HPS4: variants seen among roughly 807,000 people sequenced by gnomAD.
HPS4 encodes the protein HPS4 biogenesis of lysosomal organelles complex 3 subunit 2.
Under a neutral mutation model 70.3 loss-of-function variants are expected in HPS4, and 44 were observed. The observed-to-expected ratio is 0.63, with a 90% CI of 0.49 to 0.80. The LOEUF (loss-of-function observed/expected upper bound fraction) is 0.80, where lower values mean the gene tolerates loss of function less well. HPS4 is among the 30% of genes least tolerant of loss of function. The probability of loss-of-function intolerance (pLI) is 0.00; values close to 1 mark genes in which losing one functional copy is unlikely to be tolerated. For missense variants in HPS4, 873 were observed against 884.4 expected, an observed-to-expected ratio of 0.99 and a Z score of 0.16; for synonymous variants, 377 against 355.9, an observed-to-expected ratio of 1.06 and a Z score of -0.67.
chr22:26,466,065 T>C, intron 9 of HPS4, 161 bp downstream of exon 9: 1 of 1,557,054 alleles, frequency 6.4e-7, no homozygotes, highest in Non-Finnish European at 8.7e-7. Context: ...AGGGTTCTGG[T>C]GGGTAACTCG....
At chr22:26,466,705 T>C in intron 8 of HPS4, 1 of 235,512 alleles carries the variant, frequency 4.2e-6, no homozygotes, top group Non-Finnish European at 8.7e-6. Flanking sequence ...CGATAAAGGA[T>C]TTGACTTAAA....
chr22:26,459,214 T>A lies in HPS4; in HGVS notation c.1714-637A>T, dbSNP rs376933320. On this transcript the variant is annotated intron_variant, in intron 11 of 13. Transcript: ENST00000398145. ...ACGGTCCTGGCTTTCTTGGAAGGAC[T>A]GAGTGTCAGTCAAACAGCTTTCTGC... Among the ~76,000 whole-genome samples the A allele has an allele frequency of 3.7e-4, 56 of 152,366 alleles. 1 individual carries two copies. In the South Asian group the frequency reaches 0.011, roughly 31 times the overall value.
At chr22:26,470,099 G>A (rs1435357520) in intron 7 of HPS4, among the ~76,000 whole-genome samples, 5 of 152,258 alleles carry the variant, frequency 3.3e-5, no homozygotes, top group South Asian at 4.1e-4. Flanking sequence ...CGGGCACAGC[G>A]CAATGGCCCT....
intron 11 of HPS4, among the ~76,000 whole-genome samples, chr22:26,463,551 C>A (rs1262875357): frequency 6.6e-6 from 1 of 152,192 alleles, no homozygotes; most frequent in Non-Finnish European, 1.5e-5. Context: ...AGCCAAGGCT[C>A]AAGGGGACAA....
chr22:26,483,407 A>G (rs2091503357), intron 1 of HPS4, among the ~76,000 whole-genome samples: 1 of 152,152 alleles, frequency 6.6e-6, no homozygotes, highest in South Asian at 2.1e-4. Context: ...GGGGCTGGTG[A>G]TACTGCTGTG....
At position 26,463,951 on chromosome 22, in the gene HPS4, G is replaced by A. The variant is rs143902143; in HGVS notation, c.1679C>T (p.Pro560Leu). The change falls in exon 11 of 14, where the codon CCG becomes CTG. Residue 560 changes from proline (P) to leucine (L), a missense_variant. Physicochemically the swap from Pro to Leu is moderately conservative, Grantham distance 98. Coordinates refer to ENST00000398145, the MANE Select transcript of HPS4 (RefSeq NM_022081.6). ...TATGGCTGCGCTGTCTCCCAGCAGC[G>A]GCTCCTCAGCCAGCAGGGACAGCAC... Reference protein sequence around the residue: ...GLVLSLLAEEPLLGDSAAIEE... With the variant: ...GLVLSLLAEELLLGDSAAIEE... 398 of 1,613,938 alleles carry A rather than the reference G, an allele frequency of 2.5e-4. 3 individuals carry two copies. The highest frequency in any genetic ancestry group is 2.4e-3 in the South Asian group (223 of 91,080).
chr22:26,457,203 C>T (rs369216629), intron 13 of HPS4, among the ~76,000 whole-genome samples: 100 of 133,778 alleles, frequency 7.5e-4, no homozygotes, highest in African/African-American at 2.5e-3. Flanking sequence ...ATGATCAGCA[C>T]GTATTACTTT....
At position 26,461,691 on chromosome 22, in the gene HPS4, T is replaced by C. The variant is rs2087310092; in HGVS notation, c.1713+2226A>G. ...GCAGAGGGGCTGCAGGGAAATCAGATAAAGTATTTTCAAGGCTAGTCTGGG... is the reference window on the plus strand; with the variant it reads ...GCAGAGGGGCTGCAGGGAAATCAGACAAAGTATTTTCAAGGCTAGTCTGGG... On this transcript the variant is annotated intron_variant, in intron 11 of 13. Transcript: ENST00000398145. Among the ~76,000 whole-genome samples the C allele has an allele frequency of 2.6e-5, 4 of 152,236 alleles. No homozygotes were observed. In the South Asian group the frequency reaches 8.3e-4, roughly 32 times the overall value.
intron 2 of HPS4, chr22:26,479,739 C>A: frequency 1.0e-6 from 1 of 1,004,188 alleles, no homozygotes; most frequent in Non-Finnish European, 1.2e-6. Flanking sequence ...ATTAGATGCA[C>A]TCCTCATAAG....
intron 10 of HPS4, among the ~76,000 whole-genome samples, 158 bp downstream of exon 10, chr22:26,465,297 T>C (rs1036453170): frequency 1.3e-5 from 2 of 152,230 alleles, no homozygotes; most frequent in Non-Finnish European, 2.9e-5. Flanking sequence ...ACTCTGTTTC[T>C]TAACAAACTC....
chr22:26,472,744 A>C (rs1170930278), intron 5 of HPS4, 88 bp downstream of exon 5: 1 of 1,012,156 alleles, frequency 9.9e-7, no homozygotes, highest in African/African-American at 1.6e-5. Context: ...TATGAAGTAT[A>C]CAAGACCCCA....
intron 13 of HPS4, 52 bp from the exon 14 acceptor site, chr22:26,453,456 A>C: frequency 7.6e-6 from 12 of 1,587,850 alleles, no homozygotes; most frequent in African/African-American, 1.3e-5. Flanking sequence ...TGCTAATCTC[A>C]GACCACACAG....
intron 7 of HPS4, among the ~76,000 whole-genome samples, chr22:26,468,857 C>T (rs867898672): frequency 6.6e-6 from 1 of 152,040 alleles, no homozygotes; most frequent in South Asian, 2.1e-4. Context: ...ATATTCATTA[C>T]AGGGAGAATG....
chr22:26,469,378 G>A (rs1048476920), intron 7 of HPS4, among the ~76,000 whole-genome samples: 6 of 151,984 alleles, frequency 3.9e-5, no homozygotes, highest in African/African-American at 1.5e-4. Context: ...AGTCCAAGAG[G>A]TCGAGGCTGT....
intron 9 of HPS4, chr22:26,465,900 C>A (rs2088494490): frequency 1.6e-6 from 1 of 637,952 alleles, no homozygotes; most frequent in South Asian, 1.8e-5. Flanking sequence ...GACGCCTCCA[C>A]ATCCTGCAAA....
At chr22:26,455,541 A>C (rs978994194) in intron 13 of HPS4, among the ~76,000 whole-genome samples, 4 of 136,512 alleles carry the variant, frequency 2.9e-5, no homozygotes, top group African/African-American at 1.1e-4. Context: ...ATGAGAATAC[A>C]TGGACACAGG....
downstream of HPS4, among the ~76,000 whole-genome samples, chr22:26,448,835 A>G (rs903600748): frequency 2.0e-5 from 3 of 152,192 alleles, no homozygotes; most frequent in African/African-American, 7.2e-5. Flanking sequence ...AGAAAGATCT[A>G]GAGTATGTTT....
intron 6 of HPS4, 185 bp from the exon 7 acceptor site, chr22:26,470,998 C>T (rs1466138478): frequency 4.0e-6 from 5 of 1,265,612 alleles, no homozygotes; most frequent in Non-Finnish European, 5.6e-6. Flanking sequence ...ATACTCAGAA[C>T]TGCTGACACC....
chr22:26,458,697 C>G (rs2086662637), intron 11 of HPS4, 120 bp from the exon 12 acceptor site: 1 of 1,204,268 alleles, frequency 8.3e-7, no homozygotes, highest in South Asian at 1.4e-5. Context: ...TGGCTCACAC[C>G]TGTAATCCCA....
Sources: gnomAD v4.1 joint callset for allele counts (sites outside exome capture counted in the v4.1 genomes callset) on GRCh38, gnomAD v4.1.1 for gene constraint, MANE v1.5 for transcripts, NCBI Gene and HGNC (gene_info 2026-07-23, HGNC 2026-07-21) for gene names.